The following THADA variants were observed in gnomAD, a reference collection of about 807,000 sequenced individuals.
THADA encodes THADA armadillo repeat containing.
In THADA, 213 loss-of-function variants were observed where a neutral mutation model predicts 219.8. The observed-to-expected ratio is 0.97, with a 90% confidence interval of 0.87 to 1.09. THADA has a LOEUF of 1.09. Ranked by LOEUF, THADA falls within the 50% of genes least tolerant of loss-of-function variation. The probability of loss-of-function intolerance (pLI) is 0.00; values close to 1 mark genes in which losing one functional copy is unlikely to be tolerated. For synonymous variants in THADA, 1,018 were observed against 828.9 expected (o/e 1.23, Z -3.92); for missense variants, 2,956 against 2,311.3 (o/e 1.28, Z -5.72).
At position 43,266,463 on chromosome 2, in the gene THADA, C is replaced by T. The variant is rs373380955; in HGVS notation, c.5296+13302G>A. On this transcript the variant is annotated intron_variant, in intron 36 of 37. Coordinates refer to ENST00000405975, the MANE Select transcript of THADA (RefSeq NM_022065.5). ...AAACAAAAATAAAAAGTTAGCCGGGCGTGGTGGCTGGCACCTGTAGTTGCA... is the reference window on the plus strand; with the variant it reads ...AAACAAAAATAAAAAGTTAGCCGGGTGTGGTGGCTGGCACCTGTAGTTGCA... Among the ~76,000 whole-genome samples the T allele has an allele frequency of 7.2e-5, 11 of 152,214 alleles. No individual in the cohort carries two copies. In the East Asian group the frequency reaches 1.4e-3, roughly 19 times the overall value.
chr2:43,463,054 T>TGA (rs1683821881), intron 26 of THADA: 1 of 152,226 alleles, frequency 6.6e-6, no homozygotes, highest in South Asian at 2.1e-4. Context: ...CATTATAAGC[T>TGA]GAGGTTTAAG....
At chr2:43,354,436 G>A (rs1486887621) in intron 29 of THADA, among the ~76,000 whole-genome samples, 1 of 150,354 alleles carries the variant, frequency 6.7e-6, no homozygotes, top group South Asian at 2.1e-4. Flanking sequence ...TTACCCTATT[G>A]TGCTATCACA....
chr2:43,566,673 T>C (rs1460830358), intron 15 of THADA, 25 bp downstream of exon 15: 1 of 1,607,764 alleles, frequency 6.2e-7, no homozygotes, highest in Non-Finnish European at 8.5e-7. Context: ...AAAAATTACT[T>C]CCCCTAACAT....
At chr2:43,310,225 C>CTTTTT (rs1677341770) in intron 31 of THADA, among the ~76,000 whole-genome samples, 1 of 42,086 alleles carries the variant, frequency 2.4e-5, no homozygotes, top group African/African-American at 1.5e-4. Context: ...CTCCCTTTCC[C>CTTTTT]GCCCCCCCCC....
intron 22 of THADA, among the ~76,000 whole-genome samples, chr2:43,521,823 T>C (rs1692525978): frequency 6.6e-6 from 1 of 152,242 alleles, no homozygotes; most frequent in African/African-American, 2.4e-5. Context: ...ATAAGCTGTA[T>C]ACCCAACTAA....
At chr2:43,548,404 G>C (rs1696329371) in intron 20 of THADA, among the ~76,000 whole-genome samples, 2 of 152,338 alleles carry the variant, frequency 1.3e-5, no homozygotes, top group Admixed American at 6.5e-5. Context: ...AAAGCTGTCA[G>C]ACAGGGACAT....
intron 12 of THADA, 56 bp downstream of exon 12, chr2:43,572,758 T>C: frequency 1.3e-6 from 2 of 1,528,810 alleles, no homozygotes; most frequent in Non-Finnish European, 1.8e-6. Context: ...TATATTGAAC[T>C]GCTACATGAA....
chr2:43,455,477 T>A (rs1245984884), intron 26 of THADA, among the ~76,000 whole-genome samples: 2 of 151,156 alleles, frequency 1.3e-5, no homozygotes, highest in African/African-American at 4.9e-5. Context: ...CAAACACACT[T>A]TCTCTCTTGC....
At chr2:43,399,457 T>A (rs1297880232) in intron 28 of THADA, among the ~76,000 whole-genome samples, 1 of 152,164 alleles carries the variant, frequency 6.6e-6, no homozygotes, top group Admixed American at 6.5e-5. Context: ...TATTCTAATA[T>A]GCCAACAGAA....
chr2:43,354,353 T>C (rs1668638062), intron 29 of THADA, among the ~76,000 whole-genome samples: 1 of 152,132 alleles, frequency 6.6e-6, no homozygotes, highest in African/African-American at 2.4e-5. Context: ...CCATTTATCA[T>C]TTCTCTGTTA....
intron 19 of THADA, among the ~76,000 whole-genome samples, chr2:43,550,807 C>G (rs929245583): frequency 6.6e-6 from 1 of 152,082 alleles, no homozygotes; most frequent in Admixed American, 6.6e-5. Flanking sequence ...ATGCACTGCT[C>G]AAGTAGAAAA....
At chr2:43,470,254 C>G (rs887308236) in intron 26 of THADA, among the ~76,000 whole-genome samples, 6 of 148,106 alleles carry the variant, frequency 4.1e-5, no homozygotes, top group Non-Finnish European at 9.0e-5. Context: ...AGAAATCTGA[C>G]AATATGTAAA....
intron 31 of THADA, 37 bp downstream of exon 31, chr2:43,320,409 T>A: frequency 1.3e-6 from 2 of 1,526,360 alleles, no homozygotes; most frequent in Non-Finnish European, 1.8e-6. Flanking sequence ...CAAAGATGTG[T>A]AACGATTCCA....
At chr2:43,284,802 G>A (rs760925445) in intron 35 of THADA, among the ~76,000 whole-genome samples, 4 of 152,224 alleles carry the variant, frequency 2.6e-5, no homozygotes, top group Non-Finnish European at 5.9e-5. Context: ...TGCAAGGGCT[G>A]TACCCTGTAA....
In THADA at chr2:43,289,390, T is replaced by C. The variant is rs17030642; in HGVS notation, c.5010+2306A>G. On this transcript the variant is annotated intron_variant, in intron 34 of 37. Transcript: ENST00000405975. ...ATGGGCATCTACGCAACTAACATGA[T>C]GAGTATTTTAGACCTTGAGGAAGAT... Among the ~76,000 whole-genome samples, 1,516 of 152,352 alleles carry C rather than the reference T, an allele frequency of 1.0e-2. 32 individuals are homozygous for C. The highest frequency in any genetic ancestry group is 0.035 in the African/African-American group (1,454 of 41,584).
chr2:43,320,050 G>C (rs1678515004), intron 31 of THADA, among the ~76,000 whole-genome samples: 2 of 152,198 alleles, frequency 1.3e-5, no homozygotes, highest in Non-Finnish European at 2.9e-5. Context: ...GATTTGAGAA[G>C]AGAGTCTCAA....
intron 29 of THADA, among the ~76,000 whole-genome samples, chr2:43,380,387 T>C (rs543338520): frequency 4.6e-5 from 7 of 152,172 alleles, no homozygotes; most frequent in African/African-American, 7.2e-5. Context: ...GCAACTATAC[T>C]GGGATTGAGG....
intron 17 of THADA, among the ~76,000 whole-genome samples, chr2:43,554,280 T>C (rs1194010250): frequency 6.6e-6 from 1 of 152,230 alleles, no homozygotes; most frequent in Non-Finnish European, 1.5e-5. Context: ...GAGCTAGCTT[T>C]TGTATATGGC....
chr2:43,392,573 T>C (rs908623069), intron 29 of THADA, among the ~76,000 whole-genome samples: 6 of 152,122 alleles, frequency 3.9e-5, no homozygotes, highest in African/African-American at 1.4e-4. Context: ...GTAAAGGTAA[T>C]GCTAAAGTCT....
Sources: gnomAD v4.1 joint callset for allele counts (sites outside exome capture counted in the v4.1 genomes callset) on GRCh38, gnomAD v4.1.1 for gene constraint, MANE v1.5 for transcripts, NCBI Gene and HGNC (gene_info 2026-07-23, HGNC 2026-07-21) for gene names.